The following CEP95 variants were observed in gnomAD, a reference collection of about 807,000 sequenced individuals.
CEP95 encodes the protein centrosomal protein of 95 kDa.
A neutral mutation model predicts 111.2 loss-of-function variants in CEP95; 98 were observed. The observed-to-expected ratio is 0.88, with a 90% CI of 0.75 to 1.04. CEP95 has a LOEUF of 1.04. Among genes scored for constraint, CEP95 ranks in the 50% least tolerant of loss-of-function variants. The probability of loss-of-function intolerance (pLI) is 0.00; values close to 1 mark genes in which losing one functional copy is unlikely to be tolerated. For missense variants in CEP95, 1,027 were observed against 977.2 expected (o/e 1.05, Z -0.68); for synonymous variants, 323 against 327.1 (o/e 0.99, Z 0.14).
Position 64,527,272 on chromosome 17 carries a change from C to T in CEP95, c.1306+8C>T. On this transcript the variant is annotated splice_region_variant and intron_variant, in intron 11 of 19. Coordinates refer to ENST00000556440, the MANE Select transcript of CEP95 (RefSeq NM_138363.3). ...CAAAGAAGTCAAGGCCAGGTACTTA[C>T]CCCAGAGAGACTGAGAAGGGGGACA... The T allele has an allele frequency of 6.3e-7, 1 of 1,594,364 alleles. No homozygotes were observed. The highest frequency in any genetic ancestry group is 1.1e-5 in the South Asian group (1 of 87,354).
chr17:64,507,395 G>A, intron 1 of CEP95: 11 of 1,382,186 alleles, frequency 8.0e-6, no homozygotes, highest in Non-Finnish European at 1.0e-5. Context: ...CAGAAGGGTC[G>A]TCCCCGGACT....
Position 64,507,068 on chromosome 17 carries a change from C to G in CEP95, c.-30C>G. On this transcript the variant is annotated 5_prime_UTR_variant, in exon 1 of 20. Coordinates refer to ENST00000556440, the MANE Select transcript of CEP95 (RefSeq NM_138363.3). ...GACACCGTCGCCTTCCCGGCCGCGT[C>G]GGAGTCCGGCGGCGACCTGCCTCTG... is the stretch of plus-strand genomic sequence containing the variant. 1 of 1,550,640 alleles carries G rather than the reference C, an allele frequency of 6.4e-7. No individual in the cohort carries two copies. Among genetic ancestry groups the G allele is most frequent in the Non-Finnish European group, 8.7e-7 (1 of 1,146,918 alleles).
chr17:64,525,777 A>T lies in CEP95; in HGVS notation c.917A>T (p.Asp306Val). 1 of 1,601,856 alleles carries T rather than the reference A, an allele frequency of 6.2e-7. No homozygotes were observed. The highest frequency in any genetic ancestry group is 1.3e-5 in the African/African-American group (1 of 74,384). ...TTTTTCTGTTTTTAATAGGATCTAG[A>T]TGATGGACTTTTCTTAATTTCCAAG... is the stretch of plus-strand genomic sequence containing the variant. ...GEHTEFSGDL[D>V]DGLFLISKLP... Residue 306 changes from aspartate to valine, a missense_variant, in exon 9 of 20, where the codon GAT (aspartate) becomes GTT (valine). Asp to Val is a radical substitution (Grantham distance 152). Transcript: ENST00000556440.
At chr17:64,513,278 C>A (rs2038984073) in intron 3 of CEP95, among the ~76,000 whole-genome samples, 1 of 152,172 alleles carries the variant, frequency 6.6e-6, no homozygotes, top group Non-Finnish European at 1.5e-5. Flanking sequence ...AATTTCTACA[C>A]TGCTTTTCCC....
At position 64,515,186 on chromosome 17, in the gene CEP95, C is replaced by G. The variant is rs185626880; in HGVS notation, c.367+828C>G. Among the ~76,000 whole-genome samples, 30 of 152,270 alleles carry G rather than the reference C, an allele frequency of 2.0e-4. No individual in the cohort carries two copies. In the East Asian group the frequency reaches 5.4e-3, roughly 27 times the overall value. The stretch of plus-strand genomic sequence containing the variant: ...TGAGTGTTTTATAGGCGTCTGGGTA[C>G]TCTGGGAGGATTCCAAGCTGCTTGT... On this transcript the variant is annotated intron_variant, in intron 4 of 19. Coordinates refer to ENST00000556440, the MANE Select transcript of CEP95 (RefSeq NM_138363.3).
At chr17:64,522,639 G>A in intron 7 of CEP95, 63 bp from the exon 8 acceptor site, 2 of 1,045,534 alleles carry the variant, frequency 1.9e-6, no homozygotes, top group South Asian at 2.9e-5. Flanking sequence ...ATGTATGTAT[G>A]TATATAAAAT....
intron 1 of CEP95, 25 bp downstream of exon 1, chr17:64,507,141 T>G (rs1555673200): frequency 4.5e-6 from 7 of 1,551,336 alleles, no homozygotes; most frequent in Non-Finnish European, 6.1e-6. Context: ...GGGGTCCCAG[T>G]ATGTGTGGAC....
At chr17:64,533,029 A>G in intron 15 of CEP95, 21 bp downstream of exon 15, 2 of 1,607,316 alleles carry the variant, frequency 1.2e-6, no homozygotes, top group Non-Finnish European at 1.7e-6. Flanking sequence ...GTCAGTCTTA[A>G]GCATAGGAAT....
rs1968545319 is a variant in CEP95, at chr17:64,534,869, C to T, written c.2070+132C>T. The stretch of plus-strand genomic sequence containing the variant: ...AAACTGAAGTCCTATAGTGCTGGCC[C>T]TGAGTTCTGCTTGGCCACACTTCAT... On this transcript the variant is annotated intron_variant, in intron 17 of 19. Transcript: ENST00000556440. The T allele has an allele frequency of 6.9e-6, 7 of 1,013,262 alleles. No individual in the cohort carries two copies. The East Asian group carries it at 1.9e-4, about 27-fold the overall frequency. 62.8% of individuals were successfully genotyped at this position (1,013,262 alleles called of 1,614,324 possible).
intron 5 of CEP95, among the ~76,000 whole-genome samples, chr17:64,518,662 G>A (rs1967063565): frequency 6.6e-6 from 1 of 152,140 alleles, no homozygotes; most frequent in South Asian, 2.1e-4. Flanking sequence ...ATGTGTCTCA[G>A]AGGAGACCAT....
Position 64,516,714 on chromosome 17 carries a change from TCTGAACAGGTGAAA to T in CEP95, c.368_381del (p.Ser123IlefsTer3). On this transcript the variant is annotated splice_acceptor_variant and splice_polypyrimidine_tract_variant and coding_sequence_variant and intron_variant, in exon 5 of 20. Coordinates refer to ENST00000556440, the MANE Select transcript of CEP95 (RefSeq NM_138363.3). LOFTEE classifies it high-confidence loss of function. ...GTTTTTTGGTATTGTTTTTATCTGTTCTGAACAGGTGAAACTGAACAGTATTTTAAAGAATCTGA... is the reference window on the plus strand; with the variant it reads ...GTTTTTTGGTATTGTTTTTATCTGTTCTGAACAGTATTTTAAAGAATCTGA... 1 of 1,569,324 alleles carries T rather than the reference TCTGAACAGGTGAAA, an allele frequency of 6.4e-7. No individual in the cohort carries two copies. The highest frequency in any genetic ancestry group is 8.8e-7 in the Non-Finnish European group (1 of 1,141,382).
intron 5 of CEP95, among the ~76,000 whole-genome samples, chr17:64,517,634 C>T (rs1966975480): frequency 6.6e-6 from 1 of 151,472 alleles, no homozygotes; most frequent in Admixed American, 6.6e-5. Context: ...GCCTTGAACT[C>T]CTGAGCTTAA....
rs782120062 is a variant in CEP95 at position 64,527,185 on chromosome 17, G to C, written c.1227G>C (p.Glu409Asp). Residue 409 changes from glutamate (E) to aspartate (D), a missense_variant, in exon 11 of 20, where the codon GAG becomes GAC. Transcript: ENST00000556440. The stretch of plus-strand genomic sequence containing the variant: ...AAGAAGAAAATACTGGAAATGAGGA[G>C]GTAGAGGATGGAACTGAGGAGACAC... ...DHKEENTGNE[E>D]VEDGTEETLS... 2.5e-6 allele frequency: 4 copies of C among 1,613,662 alleles called. No homozygotes were observed. The highest frequency in any genetic ancestry group is 1.3e-5 in the African/African-American group (1 of 75,010).
chr17:64,515,611 G>A (rs782800132), intron 4 of CEP95: 2 of 152,166 alleles, frequency 1.3e-5, no homozygotes, highest in African/African-American at 2.4e-5. Flanking sequence ...ATTCCCAGGG[G>A]AGATCGGCAG....
At chr17:64,534,534 T>C in intron 16 of CEP95, 51 bp from the exon 17 acceptor site, 1 of 1,525,352 alleles carries the variant, frequency 6.6e-7, no homozygotes, top group South Asian at 1.2e-5. Context: ...CGCTGGAATC[T>C]GCATTCCTCT....
chr17:64,532,975 A>T lies in CEP95; in HGVS notation c.1809A>T (p.Arg603Ser), dbSNP rs1555680688. The change falls in exon 15 of 20, where the codon AGA becomes AGT. Residue 603 changes from arginine (R) to serine (S), a missense_variant. Arg to Ser is a moderately radical substitution (Grantham distance 110). Transcript: ENST00000556440. ...QVEQLKKEAC[R>S]ENRSKKKLQD... Reference sequence around the variant, plus strand: ...AACAGCTTAAGAAAGAAGCATGTAGAGAAAATCGATCAAAGAAGAAACTCC... The same window carrying T: ...AACAGCTTAAGAAAGAAGCATGTAGTGAAAATCGATCAAAGAAGAAACTCC... 4 of 1,612,520 alleles carry T rather than the reference A, an allele frequency of 2.5e-6. No homozygotes were observed. The African/African-American group carries it at 5.3e-5, about 22-fold the overall frequency.
At chr17:64,530,699 G>A (rs1032937774) in intron 12 of CEP95, among the ~76,000 whole-genome samples, 2 of 151,938 alleles carry the variant, frequency 1.3e-5, no homozygotes, top group Non-Finnish European at 2.9e-5. Context: ...GTAGAGATGG[G>A]GTTTCTCCAT....
chr17:64,520,753 C>G (rs1331533010), intron 6 of CEP95, among the ~76,000 whole-genome samples: 2 of 152,166 alleles, frequency 1.3e-5, no homozygotes, highest in African/African-American at 4.8e-5. Flanking sequence ...GTCCATGTTT[C>G]TGGTACTAGC....
intron 6 of CEP95, among the ~76,000 whole-genome samples, chr17:64,520,312 C>T (rs782511026): frequency 6.6e-6 from 1 of 152,120 alleles, no homozygotes; most frequent in South Asian, 2.1e-4. Context: ...AAAAAAGATT[C>T]AGAGAGATGC....
Sources: gnomAD v4.1 joint callset for allele counts (sites outside exome capture counted in the v4.1 genomes callset) on GRCh38, gnomAD v4.1.1 for gene constraint, MANE v1.5 for transcripts, NCBI Gene and HGNC (gene_info 2026-07-23, HGNC 2026-07-21) for gene names.